Variants in ITGA9 observed in about 807,000 individuals in gnomAD.
The protein encoded by ITGA9 is integrin subunit alpha 9.
In ITGA9, 56 loss-of-function variants were observed where a neutral mutation model predicts 127.8. The ratio of observed to expected loss-of-function variants is 0.44; its 90% confidence interval spans 0.35 to 0.55. The LOEUF (loss-of-function observed/expected upper bound fraction) is 0.55. Among genes scored for constraint, ITGA9 ranks in the 20% least tolerant of loss-of-function variants. The pLI, the probability that ITGA9 is intolerant of heterozygous loss-of-function variation, is 0.00. For synonymous variants in ITGA9, 508 were observed against 514.5 expected (o/e 0.99, Z 0.17); for missense variants, 1,196 against 1,347.1 (o/e 0.89, Z 1.76).
At chr3:37,533,490 G>C (rs1489329339) in intron 14 of ITGA9, 22 bp downstream of exon 14, 1 of 1,612,832 alleles carries the variant, frequency 6.2e-7, no homozygotes, top group East Asian at 2.2e-5. Context: ...CCAAGTCAGG[G>C]CTCAGGATAC....
chr3:37,544,054 G>A (rs942018961), intron 15 of ITGA9, among the ~76,000 whole-genome samples: 16 of 152,260 alleles, frequency 1.1e-4, no homozygotes. Context: ...CCTGTGATTG[G>A]TGTTTTTATA....
In ITGA9 at chr3:37,495,150, G is replaced by A. The variant is rs1203930952; in HGVS notation, c.612+582G>A. 3.9e-5 allele frequency among the ~76,000 whole-genome samples: 6 copies of A among 152,074 alleles called. No homozygotes were observed. The East Asian group carries it at 7.8e-4, about 20-fold the overall frequency. On this transcript the variant is annotated intron_variant, in intron 5 of 27. Transcript: ENST00000264741. ...GTATTTTTAGTAGAGACGGGGTTTC[G>A]CCATGTTGGCCAGGCTGGTCTTGAA...
At chr3:37,601,881 A>G (rs1575163437) in intron 15 of ITGA9, among the ~76,000 whole-genome samples, 2 of 152,206 alleles carry the variant, frequency 1.3e-5, no homozygotes, top group African/African-American at 4.8e-5. Context: ...GATGCCAGGC[A>G]TCCGCTTTGG....
intron 15 of ITGA9, among the ~76,000 whole-genome samples, chr3:37,601,926 A>G (rs1258135620): frequency 6.6e-6 from 1 of 152,206 alleles, no homozygotes; most frequent in Non-Finnish European, 1.5e-5. Flanking sequence ...TCATGGTGGA[A>G]GGAGAAGGGG....
At position 37,779,980 on chromosome 3, in the gene ITGA9, A is replaced by G; in HGVS notation, c.2746A>G (p.Ile916Val). ...SALAKEESRT[I>V]DIYMLLNTEI... ...TCTTGCTAAAGAAGAAAGTCGTACT[A>G]TAGACATTTACATGCTGCTGAACAC... is the stretch of plus-strand genomic sequence containing the variant. The change falls in exon 25 of 28, where the codon ATA (isoleucine) becomes GTA (valine). Residue 916 changes from isoleucine (I) to valine (V), a missense_variant. Transcript: ENST00000264741. The G allele has an allele frequency of 3.1e-6, 5 of 1,614,114 alleles. No homozygotes were observed. Among genetic ancestry groups the G allele is most frequent in the South Asian group, 1.1e-5 (1 of 91,086 alleles).
At chr3:37,481,055 C>T (rs1438532836) in intron 3 of ITGA9, among the ~76,000 whole-genome samples, 1 of 152,146 alleles carries the variant, frequency 6.6e-6, no homozygotes, top group Non-Finnish European at 1.5e-5. Context: ...TCCAGACCGG[C>T]CTTTCTTTCT....
intron 17 of ITGA9, among the ~76,000 whole-genome samples, chr3:37,682,749 C>T (rs1267281248): frequency 6.6e-6 from 1 of 152,160 alleles, no homozygotes; most frequent in Non-Finnish European, 1.5e-5. Context: ...ATCCAAAATC[C>T]TTGAAGCAGT....
chr3:37,555,544 A>T (rs1011065547), intron 15 of ITGA9, among the ~76,000 whole-genome samples: 3 of 152,234 alleles, frequency 2.0e-5, no homozygotes, highest in East Asian at 3.8e-4. Context: ...TTTAAGAAGG[A>T]GAGGGACAGA....
At chr3:37,788,017 C>T (rs1191792988) in intron 26 of ITGA9, among the ~76,000 whole-genome samples, 2 of 152,126 alleles carry the variant, frequency 1.3e-5, no homozygotes, top group Non-Finnish European at 2.9e-5. Context: ...TTTCTTAAAA[C>T]AATTATTGTA....
At chr3:37,555,140 G>A (rs1254250459) in intron 15 of ITGA9, among the ~76,000 whole-genome samples, 1 of 152,186 alleles carries the variant, frequency 6.6e-6, no homozygotes, top group African/African-American at 2.4e-5. Flanking sequence ...TTTCATGCAG[G>A]AAGAAGTGGG....
chr3:37,629,610 C>T lies in ITGA9; in HGVS notation c.1839+274C>T. ...CTCGAGTTCGTGAACTGGCTGGCCACTTGGTCCCTGAACTTGCCTCTGTTC... is the reference window on the plus strand; with the variant it reads ...CTCGAGTTCGTGAACTGGCTGGCCATTTGGTCCCTGAACTTGCCTCTGTTC... On this transcript the variant is annotated intron_variant, in intron 16 of 27. Coordinates refer to ENST00000264741, the MANE Select transcript of ITGA9 (RefSeq NM_002207.3). This position sits in a 1 kb window ranked among gnomAD's most constrained non-coding sequence, Gnocchi z 4.5. 2 of 607,468 alleles carry T rather than the reference C, an allele frequency of 3.3e-6. No individual in the cohort carries two copies. The highest frequency in any genetic ancestry group is 5.8e-6 in the Non-Finnish European group (2 of 342,608). 37.6% of individuals were successfully genotyped at this position (607,468 alleles called of 1,614,324 possible).
At chr3:37,513,138 C>T (rs1310379081) in intron 8 of ITGA9, among the ~76,000 whole-genome samples, 1 of 151,088 alleles carries the variant, frequency 6.6e-6, no homozygotes, top group Admixed American at 6.6e-5. Context: ...CATATTCCTA[C>T]TTGCTTGGCC....
chr3:37,543,658 A>G (rs544837843), intron 15 of ITGA9, among the ~76,000 whole-genome samples: 2 of 152,316 alleles, frequency 1.3e-5, no homozygotes, highest in African/African-American at 4.8e-5. Context: ...TTTCTGACTG[A>G]TAGTTTGAAA....
intron 2 of ITGA9, among the ~76,000 whole-genome samples, chr3:37,473,136 CAAAAA>C (rs36109791): frequency 1.1e-4 from 8 of 70,782 alleles, no homozygotes; most frequent in Non-Finnish European, 1.7e-4. Flanking sequence ...GAGACTGTCT[CAAAAA>C]AAAAAAAAAA....
chr3:37,750,086 G>C (rs1385008854), intron 22 of ITGA9, among the ~76,000 whole-genome samples: 5 of 150,992 alleles, frequency 3.3e-5, no homozygotes, highest in African/African-American at 7.3e-5. Flanking sequence ...CCCTCAGATG[G>C]TTCTGATGTT....
At chr3:37,740,732 G>T (rs928314709) in intron 20 of ITGA9, among the ~76,000 whole-genome samples, 23 of 152,196 alleles carry the variant, frequency 1.5e-4, no homozygotes, top group African/African-American at 5.6e-4. Flanking sequence ...CATAGTGCCT[G>T]GCACATAGTA....
chr3:37,631,711 A>C (rs997799733), intron 16 of ITGA9, among the ~76,000 whole-genome samples: 1 of 152,218 alleles, frequency 6.6e-6, no homozygotes, highest in African/African-American at 2.4e-5. Flanking sequence ...AGCCAGGCCA[A>C]CAGTTACAGA....
At chr3:37,773,307 G>A (rs531880526) in intron 23 of ITGA9, among the ~76,000 whole-genome samples, 11 of 152,196 alleles carry the variant, frequency 7.2e-5, no homozygotes, top group Non-Finnish European at 1.0e-4. Context: ...GCCAGGCCTC[G>A]TAATCTCAGC....
chr3:37,463,610 T>C (rs773263741), intron 1 of ITGA9, among the ~76,000 whole-genome samples: 3 of 152,152 alleles, frequency 2.0e-5, no homozygotes, highest in Non-Finnish European at 2.9e-5. Flanking sequence ...TGCCACATTC[T>C]TTTGGCCAAT....
Sources: allele counts gnomAD v4.1 joint callset (sites outside exome capture counted in the v4.1 genomes callset), GRCh38; gene constraint gnomAD v4.1.1; non-coding constraint Gnocchi (gnomAD v3.1); transcripts MANE v1.5; gene names NCBI Gene and HGNC (gene_info 2026-07-23, HGNC 2026-07-21).